The following TMEM192 variants were observed in gnomAD, a reference collection of about 807,000 sequenced individuals.
The protein encoded by TMEM192 is transmembrane protein 192.
Under a neutral mutation model 26.7 loss-of-function variants are expected in TMEM192, and 20 were observed. The observed-to-expected ratio is 0.75, with a 90% CI of 0.53 to 1.09. The LOEUF (loss-of-function observed/expected upper bound fraction) is 1.09, where lower values mean the gene tolerates loss of function less well. Among genes scored for constraint, TMEM192 ranks in the 50% least tolerant of loss-of-function variants. TMEM192 has a pLI of 0.00. For missense variants in TMEM192, 304 were observed against 322.6 expected (o/e 0.94, Z 0.44); for synonymous variants, 124 against 121.0 (o/e 1.02, Z -0.16).
At chr4:165,090,039 C>T (rs1734717194) in intron 3 of TMEM192, among the ~76,000 whole-genome samples, 1 of 151,748 alleles carries the variant, frequency 6.6e-6, no homozygotes, top group African/African-American at 2.4e-5. Context: ...TGAAGAAACC[C>T]CATCTCTACT....
At chr4:165,087,466 T>C (rs916461026) in intron 4 of TMEM192, among the ~76,000 whole-genome samples, 2 of 152,200 alleles carry the variant, frequency 1.3e-5, no homozygotes, top group African/African-American at 4.8e-5. Flanking sequence ...AGAAGGTAGA[T>C]GACTCCTACG....
intron 4 of TMEM192, among the ~76,000 whole-genome samples, chr4:165,086,369 G>A (rs1734616263): frequency 1.3e-5 from 2 of 151,744 alleles, no homozygotes; most frequent in African/African-American, 4.8e-5. Flanking sequence ...TGGGAAGATA[G>A]GCAGAGAATG....
At chr4:165,088,078 T>G (rs957780854) in intron 4 of TMEM192, among the ~76,000 whole-genome samples, 1 of 151,974 alleles carries the variant, frequency 6.6e-6, no homozygotes, top group African/African-American at 2.4e-5. Context: ...CCTGGCTAAT[T>G]TTTTGTATTT....
chr4:165,102,329 AG>A (rs1735055257), intron 2 of TMEM192, among the ~76,000 whole-genome samples: 1 of 152,208 alleles, frequency 6.6e-6, no homozygotes, highest in South Asian at 2.1e-4. Context: ...AAAATCAAGT[AG>A]TATTCAAAAG....
chr4:165,103,319 G>A (rs974067646), intron 1 of TMEM192, among the ~76,000 whole-genome samples: 9 of 151,824 alleles, frequency 5.9e-5, no homozygotes, highest in African/African-American at 1.9e-4. Flanking sequence ...GTCTCACTAT[G>A]TTGCCCAGGC....
intron 4 of TMEM192, among the ~76,000 whole-genome samples, chr4:165,087,260 T>C (rs1222816367): frequency 6.6e-6 from 1 of 152,144 alleles, no homozygotes; most frequent in Admixed American, 6.6e-5. Flanking sequence ...ATAAGAAATA[T>C]GAATCAGTGG....
At chr4:165,107,425 G>A (rs919705111) in intron 1 of TMEM192, among the ~76,000 whole-genome samples, 3 of 150,900 alleles carry the variant, frequency 2.0e-5, no homozygotes, top group African/African-American at 7.3e-5. Flanking sequence ...CAGCCTCCGT[G>A]CCCCCCTCCC....
At chr4:165,104,298 T>G (rs775971192) in intron 1 of TMEM192, among the ~76,000 whole-genome samples, 5 of 152,184 alleles carry the variant, frequency 3.3e-5, no homozygotes, top group Non-Finnish European at 7.3e-5. Flanking sequence ...GTCAGCTAAC[T>G]GCACTACAAT....
intron 1 of TMEM192, among the ~76,000 whole-genome samples, chr4:165,109,037 T>A (rs190956300): frequency 9.2e-4 from 140 of 152,338 alleles, no homozygotes; most frequent in Non-Finnish European, 1.6e-3. Context: ...AAGTGTTGTA[T>A]CATACGTTAT....
At chr4:165,094,523 G>A (rs766146628) in intron 3 of TMEM192, among the ~76,000 whole-genome samples, 8 of 151,922 alleles carry the variant, frequency 5.3e-5, no homozygotes, top group Admixed American at 1.3e-4. Flanking sequence ...CGGGTGGGGC[G>A]GTGCATGCCT....
chr4:165,073,436 G>C lies in TMEM192; in HGVS notation c.*6222C>G, dbSNP rs1001246675. 4 of 152,212 alleles carry C rather than the reference G, an allele frequency of 2.6e-5. No individual in the cohort carries two copies. Among genetic ancestry groups the C allele is most frequent in the Admixed American group, 6.5e-5 (1 of 15,270 alleles). The allele number at this position is 152,212 out of a possible 1,614,324, so 9.4% of individuals were successfully genotyped here. On this transcript the variant is annotated 3_prime_UTR_variant, in exon 6 of 6. Coordinates refer to ENST00000306480, the MANE Select transcript of TMEM192 (RefSeq NM_001100389.2). The stretch of plus-strand genomic sequence containing the variant: ...ACAATGCACTGCGGAAAGCCGCAGG[G>C]ACCTCTGCCCAAGAAAGCCTGGGTA...
chr4:165,088,833 G>A (rs1734685422), intron 3 of TMEM192, among the ~76,000 whole-genome samples: 1 of 151,786 alleles, frequency 6.6e-6, no homozygotes, highest in Non-Finnish European at 1.5e-5. Flanking sequence ...GAGCCCAGGT[G>A]GTCGAGACCA....
chr4:165,103,057 G>C lies in TMEM192; in HGVS notation c.67C>G (p.Leu23Val), dbSNP rs778625524. Residue 23 changes from leucine to valine, a missense_variant, in exon 2 of 6, where the codon CTT becomes GTT. Leu to Val is a conservative substitution (Grantham distance 32, BLOSUM62 1). Coordinates refer to ENST00000306480, the MANE Select transcript of TMEM192 (RefSeq NM_001100389.2). ...TGTGGGAGAAGCTGGGCATCCAGAA[G>C]TGGGTCGTCTTCAATACTCTGGGTG... The part of the protein sequence containing the change: ...DITQSIEDDP[L>V]LDAQLLPHHS... The C allele has an allele frequency of 2.9e-5, 46 of 1,613,364 alleles. No individual in the cohort carries two copies. The highest frequency in any genetic ancestry group is 1.7e-6 in the Non-Finnish European group (2 of 1,179,742).
chr4:165,112,759 GC>G lies in TMEM192; in HGVS notation c.14del (p.Gly5AlafsTer46). 5.6e-6 allele frequency: 9 copies of G among 1,607,722 alleles called. No homozygotes were observed. Among genetic ancestry groups the G allele is most frequent in the Non-Finnish European group, 5.1e-6 (6 of 1,178,922 alleles). MAAG[G>X]RMEDGSLDIT... ...TCCGTGCACTCACGTCCTCCATCCT[GC>G]CCCCCGCCGCCATTTCCCGACGCCG... On this transcript the variant is annotated frameshift_variant, in exon 1 of 6. Transcript: ENST00000306480. LOFTEE classifies it high-confidence loss of function.
intron 1 of TMEM192, among the ~76,000 whole-genome samples, chr4:165,111,096 T>G (rs1735283203): frequency 6.6e-6 from 1 of 152,220 alleles, no homozygotes; most frequent in Admixed American, 6.5e-5. Context: ...TAATTTTTAT[T>G]TATTTTTATT....
chr4:165,076,878 T>C lies in TMEM192; in HGVS notation c.*2780A>G, dbSNP rs1194660595. On this transcript the variant is annotated 3_prime_UTR_variant, in exon 6 of 6. Transcript: ENST00000306480. ...ATGCAGTGGTGCAATTTCAGCTCAC[T>C]GCAACCTCTGCCTCCTGTGTTCAAG... 1 of 152,308 alleles carries C rather than the reference T, an allele frequency of 6.6e-6. No homozygotes were observed. The highest frequency in any genetic ancestry group is 3.1e-3 in the Middle Eastern group (1 of 322). The allele number at this position is 152,308 out of a possible 1,614,324, so 9.4% of individuals were successfully genotyped here.
chr4:165,102,214 C>T (rs1483213237), intron 2 of TMEM192, among the ~76,000 whole-genome samples: 2 of 152,184 alleles, frequency 1.3e-5, no homozygotes, highest in African/African-American at 2.4e-5. Context: ...GTCTGCTAAA[C>T]ATTATTCCCT....
rs1221052211 is a variant in TMEM192, at chr4:165,103,043, C to T, written c.81G>A (p.Gln27=). 1 of 1,613,354 alleles carries T rather than the reference C, an allele frequency of 6.2e-7. No homozygotes were observed. The highest frequency in any genetic ancestry group is 8.5e-7 in the Non-Finnish European group (1 of 1,179,698). ...CTTGTAATGAGTGGTGTGGGAGAAG[C>T]TGGGCATCCAGAAGTGGGTCGTCTT... ...SIEDDPLLDA[Q]LLPHHSLQAH... Residue 27 remains glutamine (Q), a synonymous_variant, in exon 2 of 6, where the codon CAG becomes CAA. Coordinates refer to ENST00000306480, the MANE Select transcript of TMEM192 (RefSeq NM_001100389.2).
At position 165,093,097 on chromosome 4, in the gene TMEM192, C is replaced by CTT. The variant is rs35970962; in HGVS notation, c.440-4497_440-4496dup. Among the ~76,000 whole-genome samples the CTT allele has an allele frequency of 8.2e-3, 995 of 120,830 alleles. 17 individuals carry two copies. Among genetic ancestry groups the CTT allele is most frequent in the South Asian group, 0.017 (67 of 3,868 alleles). 79.3% of individuals were successfully genotyped at this position (120,830 alleles called of 152,430 possible). On this transcript the variant is annotated intron_variant, in intron 3 of 5. Transcript: ENST00000306480. ...TACAGTTTTATGGTTTTTTTTTCTT[C>CTT]TTTTTTTTTTTTTTTTTGAGATGGA...
Sources: gnomAD v4.1 joint callset for allele counts (sites outside exome capture counted in the v4.1 genomes callset) on GRCh38, gnomAD v4.1.1 for gene constraint, MANE v1.5 for transcripts, NCBI Gene and HGNC (gene_info 2026-07-23, HGNC 2026-07-21) for gene names.